SLC48A1: variants seen among roughly 807,000 people sequenced by gnomAD.
The protein encoded by SLC48A1 is solute carrier family 48 member 1, also known as heme transporter HRG1.
A neutral mutation model predicts 14.8 loss-of-function variants in SLC48A1; 6 were observed. That is an observed-to-expected ratio of 0.41 (90% CI 0.22 to 0.80). The LOEUF (loss-of-function observed/expected upper bound fraction) is 0.80. Among genes scored for constraint, SLC48A1 ranks in the 30% least tolerant of loss-of-function variants. SLC48A1 has a pLI of 0.34. For synonymous variants in SLC48A1, 89 were observed against 90.0 expected, an observed-to-expected ratio of 0.99 and a Z score of 0.06; for missense variants, 165 against 204.8, an observed-to-expected ratio of 0.81 and a Z score of 1.19.
chr12:47,778,172 GT>G (rs761244671), intron 1 of SLC48A1, among the ~76,000 whole-genome samples: 3 of 152,222 alleles, frequency 2.0e-5, no homozygotes, highest in Non-Finnish European at 4.4e-5. Flanking sequence ...ACAGAGGGTT[GT>G]TTTGTATTGT....
At position 47,779,203 on chromosome 12, in the gene SLC48A1, C is replaced by T. The variant is rs578228163; in HGVS notation, c.304+8C>T. On this transcript the variant is annotated splice_region_variant and intron_variant, in intron 2 of 2. Coordinates refer to ENST00000442218, the MANE Select transcript of SLC48A1 (RefSeq NM_017842.3). ...CCATCACCCGGCATCAGAGTGAGGG[C>T]GGGTCCCAGGGAAAGAGGGCATGGG... 46 of 1,548,486 alleles carry T rather than the reference C, an allele frequency of 3.0e-5. No homozygotes were observed. The highest frequency in any genetic ancestry group is 3.4e-4 in the Middle Eastern group (2 of 5,920).
upstream of SLC48A1, chr12:47,768,411 T>C (rs1476955039): frequency 6.6e-6 from 1 of 152,338 alleles, no homozygotes; most frequent in Non-Finnish European, 1.5e-5. Flanking sequence ...TGGACTAGGG[T>C]GGCAGAGGGA....
chr12:47,764,276 T>G (rs1461962695), intron 2 of SLC48A1, among the ~76,000 whole-genome samples: 1 of 152,094 alleles, frequency 6.6e-6, no homozygotes, highest in African/African-American at 2.4e-5. Flanking sequence ...AAGAGTCACT[T>G]TTCTCCTCAC....
intron 1 of SLC48A1, among the ~76,000 whole-genome samples, chr12:47,774,678 G>A (rs1318238983): frequency 6.6e-6 from 1 of 152,106 alleles, no homozygotes; most frequent in Non-Finnish European, 1.5e-5. Context: ...TAGAAGAGGG[G>A]CATACAGGGC....
chr12:47,769,846 T>A (rs977249869), upstream of SLC48A1, among the ~76,000 whole-genome samples: 1 of 152,138 alleles, frequency 6.6e-6, no homozygotes, highest in Non-Finnish European at 1.5e-5. Context: ...AAATTAAATT[T>A]AAATTAATTT....
At position 47,779,169 on chromosome 12, in the gene SLC48A1, T is replaced by G; in HGVS notation, c.278T>G (p.Leu93Arg). 1.3e-6 allele frequency: 2 copies of G among 1,551,746 alleles called. No individual in the cohort carries two copies. The change falls in exon 2 of 3, where the codon CTC (leucine) becomes CGC (arginine). Residue 93 changes from leucine to arginine, a missense_variant. Leu to Arg is a moderately radical substitution (Grantham distance 102, BLOSUM62 -2). Transcript: ENST00000442218. ...TCCATCGCTGCCTTCTGCACCTTCCTCGTGCTGGCCATCACCCGGCATCAG... is the reference window on the plus strand; with the variant it reads ...TCCATCGCTGCCTTCTGCACCTTCCGCGTGCTGGCCATCACCCGGCATCAG... Reference protein sequence around the residue: ...AVSIAAFCTFLVLAITRHQSL... With the variant: ...AVSIAAFCTFRVLAITRHQSL...
chr12:47,757,886 A>G (rs375586018), upstream of SLC48A1: 311 of 1,555,566 alleles, frequency 2.0e-4, no homozygotes, highest in Non-Finnish European at 2.6e-4. Flanking sequence ...CCCTGGATGC[A>G]GCTCGGACGC....
chr12:47,773,182 C>CG (rs1160952262), upstream of SLC48A1: 1 of 989,466 alleles, frequency 1.0e-6, no homozygotes, highest in Non-Finnish European at 1.2e-6. Context: ...GGGGGCGGGC[C>CG]GGGGGCGGAG....
upstream of SLC48A1, chr12:47,770,873 C>T (rs550259741): frequency 1.8e-5 from 8 of 456,700 alleles, no homozygotes; most frequent in East Asian, 6.9e-5. Flanking sequence ...CCAAAGCGGC[C>T]GCTTTATTTC....
At chr12:47,767,093 G>T (rs559363722), upstream of SLC48A1, among the ~76,000 whole-genome samples, 5 of 152,156 alleles carry the variant, frequency 3.3e-5, no homozygotes, top group African/African-American at 1.2e-4. Flanking sequence ...GGGCCTGGGT[G>T]GGGTAGAATG....
intron 2 of SLC48A1, among the ~76,000 whole-genome samples, chr12:47,766,579 G>T (rs1003664250): frequency 6.6e-6 from 1 of 152,178 alleles, no homozygotes; most frequent in African/African-American, 2.4e-5. Context: ...AGAACACCAA[G>T]ATAGGGAGGC....
At position 47,781,874 on chromosome 12, in the gene SLC48A1, GTAACCA is replaced by G. The variant is rs1942888607; in HGVS notation, c.*1594_*1599del. On this transcript the variant is annotated 3_prime_UTR_variant, in exon 3 of 3. Coordinates refer to ENST00000442218, the MANE Select transcript of SLC48A1 (RefSeq NM_017842.3). ...CTTGCCTTGGCCCTCCTGGCATGGGGTAACCACCAGCTCAGCTCTCCTCCTCCAGCT... is the reference window on the plus strand; with the variant it reads ...CTTGCCTTGGCCCTCCTGGCATGGGGCCAGCTCAGCTCTCCTCCTCCAGCT... 1 of 152,698 alleles carries G rather than the reference GTAACCA, an allele frequency of 6.5e-6. No individual in the cohort carries two copies. The highest frequency in any genetic ancestry group is 2.1e-4 in the South Asian group (1 of 4,842). 9.5% of individuals were successfully genotyped at this position (152,698 alleles called of 1,614,324 possible).
At chr12:47,758,869 C>T in intron 1 of SLC48A1, 1 of 1,163,856 alleles carries the variant, frequency 8.6e-7, no homozygotes, top group Non-Finnish European at 1.1e-6. Context: ...GGCGCTGAAG[C>T]AAGGCTGCGC....
upstream of SLC48A1, among the ~76,000 whole-genome samples, chr12:47,757,137 G>C (rs558721334): frequency 9.8e-5 from 15 of 152,304 alleles, no homozygotes; most frequent in Middle Eastern, 6.8e-3. Context: ...GACACACGCA[G>C]TGGAGACATA....
intron 1 of SLC48A1, chr12:47,758,687 CA>C: frequency 4.7e-6 from 7 of 1,481,578 alleles, no homozygotes; most frequent in Non-Finnish European, 5.4e-6. Flanking sequence ...TGAACTGGGC[CA>C]GTGCCTAGCT....
At chr12:47,760,820 C>T (rs570106829) in intron 2 of SLC48A1, among the ~76,000 whole-genome samples, 1 of 152,348 alleles carries the variant, frequency 6.6e-6, no homozygotes, top group East Asian at 1.9e-4. Flanking sequence ...TCTCCACGTA[C>T]TCACCATGGT....
At position 47,781,493 on chromosome 12, in the gene SLC48A1, C is replaced by G. The variant is rs1415489621; in HGVS notation, c.*1212C>G. The G allele has an allele frequency of 2.6e-5, 4 of 154,118 alleles. No individual in the cohort carries two copies. Among genetic ancestry groups the G allele is most frequent in the African/African-American group, 9.6e-5 (4 of 41,468 alleles). 9.5% of individuals were successfully genotyped at this position (154,118 alleles called of 1,614,324 possible). A position where few individuals can be genotyped will look rare whatever the true frequency, so the allele number is the denominator to read the frequency against. On this transcript the variant is annotated 3_prime_UTR_variant, in exon 3 of 3. Coordinates refer to ENST00000442218, the MANE Select transcript of SLC48A1 (RefSeq NM_017842.3). ...ACAAATCTGCTTTTCTGCCCATACA[C>G]TGGCCCAAGGGCTCACCTAACTTGG...
upstream of SLC48A1, chr12:47,758,206 C>T: frequency 5.6e-6 from 8 of 1,440,320 alleles, no homozygotes; most frequent in Non-Finnish European, 7.3e-6. Context: ...GTGCTGCAAC[C>T]CTGCCAGGAG....
chr12:47,766,439 T>C (rs990134343), intron 2 of SLC48A1, among the ~76,000 whole-genome samples: 2 of 152,142 alleles, frequency 1.3e-5, no homozygotes, highest in African/African-American at 4.8e-5. Context: ...CAAGTCCCTG[T>C]GGAGGTGAAT....
Sources: gnomAD v4.1 joint callset for allele counts (sites outside exome capture counted in the v4.1 genomes callset) on GRCh38, gnomAD v4.1.1 for gene constraint, MANE v1.5 for transcripts, NCBI Gene and HGNC (gene_info 2026-07-23, HGNC 2026-07-21) for gene names.